The following NTNG2 variants were observed in gnomAD, a reference collection of about 807,000 sequenced individuals.
The protein encoded by NTNG2 is netrin-G2.
NTNG2 carries 15 observed loss-of-function variants against 47.6 expected under a neutral mutation model. The observed-to-expected ratio is 0.32, with a 90% CI of 0.21 to 0.49. The LOEUF is 0.49. NTNG2 is among the 20% of genes least tolerant of loss of function. NTNG2 has a pLI of 0.99. For missense variants in NTNG2, 578 were observed against 764.6 expected (o/e 0.76, Z 2.88); for synonymous variants, 307 against 324.6 (o/e 0.95, Z 0.58).
intron 2 of NTNG2, among the ~76,000 whole-genome samples, chr9:132,187,189 G>A (rs908096836): frequency 2.0e-5 from 3 of 152,262 alleles, no homozygotes; most frequent in African/African-American, 7.2e-5. Context: ...GGTCGCCGTG[G>A]CTTTGGGAGG....
chr9:132,200,645 T>C (rs1387887743), intron 3 of NTNG2, among the ~76,000 whole-genome samples: 3 of 152,198 alleles, frequency 2.0e-5, no homozygotes, highest in Admixed American at 2.0e-4. Flanking sequence ...TGTTTCACTT[T>C]GACGGTGTGT....
At chr9:132,210,266 G>A (rs1839493751) in intron 3 of NTNG2, among the ~76,000 whole-genome samples, 1 of 152,020 alleles carries the variant, frequency 6.6e-6, no homozygotes, top group Non-Finnish European at 1.5e-5. Context: ...ATGGGATCCC[G>A]CTCTTGTAAA....
At chr9:132,201,515 A>T (rs1011621193) in intron 3 of NTNG2, among the ~76,000 whole-genome samples, 1 of 152,168 alleles carries the variant, frequency 6.6e-6, no homozygotes, top group Non-Finnish European at 1.5e-5. Context: ...GAAGCCAGAG[A>T]CACAGGACTG....
At position 132,215,988 on chromosome 9, in the gene NTNG2, C is replaced by A. The variant is rs1839942424; in HGVS notation, c.858-10861C>A. On this transcript the variant is annotated intron_variant, in intron 3 of 7. Transcript: ENST00000393229. The surrounding 1 kb of genome is among the most constrained non-coding windows in gnomAD (Gnocchi z 4.2). ...CAGCTCAGCTTGCCCTTCCCTGACCCTTGACAGTCCTGCCACATGGAAACA... is the reference window on the plus strand; with the variant it reads ...CAGCTCAGCTTGCCCTTCCCTGACCATTGACAGTCCTGCCACATGGAAACA... Among the ~76,000 whole-genome samples, 1 of 152,194 alleles carries A rather than the reference C, an allele frequency of 6.6e-6. No individual in the cohort carries two copies. Among genetic ancestry groups the A allele is most frequent in the South Asian group, 2.1e-4 (1 of 4,834 alleles).
At chr9:132,188,875 A>G (rs1360554345) in intron 2 of NTNG2, among the ~76,000 whole-genome samples, 2 of 152,102 alleles carry the variant, frequency 1.3e-5, no homozygotes, top group African/African-American at 4.8e-5. Flanking sequence ...TGGGGACAGG[A>G]TCAGATGTGG....
intron 5 of NTNG2, chr9:132,233,176 T>A (rs990073938): frequency 1.3e-5 from 2 of 152,272 alleles, no homozygotes; most frequent in Non-Finnish European, 2.9e-5. Context: ...GAGCCTGTGG[T>A]GGGCAGACAG....
intron 7 of NTNG2, 76 bp from the exon 8 acceptor site, chr9:132,241,800 C>T: frequency 8.5e-7 from 1 of 1,172,972 alleles, no homozygotes; most frequent in African/African-American, 1.6e-5. Context: ...ATCTCGCACA[C>T]CCTGCTTCGC....
At position 132,218,075 on chromosome 9, in the gene NTNG2, A is replaced by C. The variant is rs1840107859; in HGVS notation, c.858-8774A>C. On this transcript the variant is annotated intron_variant, in intron 3 of 7. Transcript: ENST00000393229. The surrounding 1 kb of genome is among the most constrained non-coding windows in gnomAD (Gnocchi z 5.4). Reference sequence around the variant, plus strand: ...CCGCTCTTCAGGTGAGAAAAGCGAGACTCAGGTTGGCTAAGAATTTGTGCA... The same window carrying C: ...CCGCTCTTCAGGTGAGAAAAGCGAGCCTCAGGTTGGCTAAGAATTTGTGCA... 6.6e-6 allele frequency among the ~76,000 whole-genome samples: 1 copy of C among 152,064 alleles called. No homozygotes were observed. The highest frequency in any genetic ancestry group is 1.9e-4 in the East Asian group (1 of 5,188).
In NTNG2 at chr9:132,182,294, A is replaced by C. The variant is rs1478619605; in HGVS notation, c.213+15250A>C. Among the ~76,000 whole-genome samples the C allele has an allele frequency of 6.6e-6, 1 of 152,164 alleles. No homozygotes were observed. The highest frequency in any genetic ancestry group is 1.5e-5 in the Non-Finnish European group (1 of 68,036). On this transcript the variant is annotated intron_variant, in intron 2 of 7. Transcript: ENST00000393229. This position sits in a 1 kb window ranked among gnomAD's most constrained non-coding sequence, Gnocchi z 4.2. ...AACAATGGACAATAATGGGCCTAAAAATAGAGGGTGGAGGGTGCAGGGGGT... is the reference window on the plus strand; with the variant it reads ...AACAATGGACAATAATGGGCCTAAACATAGAGGGTGGAGGGTGCAGGGGGT...
At chr9:132,241,543 G>C (rs978706239) in intron 7 of NTNG2, 4 of 358,612 alleles carry the variant, frequency 1.1e-5, no homozygotes, top group Non-Finnish European at 2.0e-5. Flanking sequence ...TGTCCAAGTC[G>C]GCGTTAGCCG....
intron 3 of NTNG2, among the ~76,000 whole-genome samples, chr9:132,207,145 C>T (rs1379629437): frequency 1.3e-5 from 2 of 152,364 alleles, no homozygotes; most frequent in South Asian, 2.1e-4. Flanking sequence ...ATTTCCTCTG[C>T]GAGCTTTCTC....
intron 2 of NTNG2, among the ~76,000 whole-genome samples, chr9:132,173,257 C>T (rs1363110366): frequency 1.3e-5 from 2 of 152,186 alleles, no homozygotes; most frequent in Non-Finnish European, 2.9e-5. Context: ...AGGGCCCAGC[C>T]TAGGACAAGA....
Position 132,182,894 on chromosome 9 carries a change from G to A in NTNG2, c.214-15072G>A, listed in dbSNP as rs536126129. On this transcript the variant is annotated intron_variant, in intron 2 of 7. Transcript: ENST00000393229. This position sits in a 1 kb window ranked among gnomAD's most constrained non-coding sequence, Gnocchi z 4.2. Reference sequence around the variant, plus strand: ...AGCTTTTCATTCCCCCCCTGCCGCAGCTGCCCCCCAGACCAGCTTCAGCAG... The same window carrying A: ...AGCTTTTCATTCCCCCCCTGCCGCAACTGCCCCCCAGACCAGCTTCAGCAG... 1.6e-4 allele frequency among the ~76,000 whole-genome samples: 25 copies of A among 152,184 alleles called. No homozygotes were observed. In the South Asian group the frequency reaches 5.2e-3, roughly 32 times the overall value.
chr9:132,165,667 A>G (rs1835459678), intron 1 of NTNG2, among the ~76,000 whole-genome samples: 1 of 152,208 alleles, frequency 6.6e-6, no homozygotes, highest in African/African-American at 2.4e-5. Context: ...GCCTTTAACA[A>G]CTTTGACATT....
intron 2 of NTNG2, among the ~76,000 whole-genome samples, chr9:132,179,500 G>A (rs552344965): frequency 1.3e-4 from 20 of 152,316 alleles, no homozygotes; most frequent in Admixed American, 3.3e-4. Flanking sequence ...GGGCAAGGCC[G>A]GGTAGGATGG....
chr9:132,207,456 TC>T (rs1331088725), intron 3 of NTNG2, among the ~76,000 whole-genome samples: 1 of 152,176 alleles, frequency 6.6e-6, no homozygotes, highest in Non-Finnish European at 1.5e-5. Context: ...GGCTGTCCGC[TC>T]CCTGAGCATC....
In NTNG2 at chr9:132,166,719, C is replaced by A; in HGVS notation, c.-113C>A. 1.0e-6 allele frequency: 1 copy of A among 985,684 alleles called. No homozygotes were observed. Among genetic ancestry groups the A allele is most frequent in the South Asian group, 1.4e-5 (1 of 73,984 alleles). The allele number at this position is 985,684 out of a possible 1,614,324, so 61.1% of individuals were successfully genotyped here. The stretch of plus-strand genomic sequence containing the variant: ...TGCTCGGGTCCCTGGGACACCCCGG[C>A]CACCCTCGCCTGGTAGATGTGGCAT... On this transcript the variant is annotated 5_prime_UTR_variant, in exon 2 of 8. Transcript: ENST00000393229.
intron 2 of NTNG2, among the ~76,000 whole-genome samples, chr9:132,178,778 T>G (rs1381234940): frequency 1.2e-5 from 1 of 83,052 alleles, no homozygotes; most frequent in Non-Finnish European, 2.3e-5. Context: ...CCATCTCTAC[T>G]AAAAATACAA....
In NTNG2 at chr9:132,221,426, G is replaced by T. The variant is rs1412220211; in HGVS notation, c.858-5423G>T. Among the ~76,000 whole-genome samples the T allele has an allele frequency of 6.6e-6, 1 of 152,190 alleles. No individual in the cohort carries two copies. Among genetic ancestry groups the T allele is most frequent in the Non-Finnish European group, 1.5e-5 (1 of 68,028 alleles). ...CACCATGTCCACACACACCGACACA[G>T]AGGCAGTACCACCCACAGTGACCTG... On this transcript the variant is annotated intron_variant, in intron 3 of 7. Coordinates refer to ENST00000393229, the MANE Select transcript of NTNG2 (RefSeq NM_032536.4). The surrounding 1 kb of genome is among the most constrained non-coding windows in gnomAD (Gnocchi z 4.2).
Sources: gnomAD v4.1 joint callset for allele counts (sites outside exome capture counted in the v4.1 genomes callset) on GRCh38, gnomAD v4.1.1 for gene constraint, Gnocchi (gnomAD v3.1) non-coding constraint, MANE v1.5 for transcripts, NCBI Gene and HGNC (gene_info 2026-07-23, HGNC 2026-07-21) for gene names.